RYK: variants seen among roughly 807,000 people sequenced by gnomAD.
RYK encodes the protein inactive tyrosine-protein kinase RYK.
Under a neutral mutation model 70.2 loss-of-function variants are expected in RYK, and 21 were observed. The ratio of observed to expected loss-of-function variants is 0.30; its 90% CI spans 0.21 to 0.43. RYK has a LOEUF of 0.43. RYK is among the 20% of genes least tolerant of loss of function. The probability of loss-of-function intolerance (pLI) is 1.00; values close to 1 mark genes in which losing one functional copy is unlikely to be tolerated. For synonymous variants in RYK, 267 were observed against 278.0 expected, an observed-to-expected ratio of 0.96 and a Z score of 0.39; for missense variants, 604 against 753.3, an observed-to-expected ratio of 0.80 and a Z score of 2.32.
intron 12 of RYK, 33 bp downstream of exon 12, chr3:134,175,897 A>G: frequency 6.4e-7 from 1 of 1,559,638 alleles, no homozygotes. Flanking sequence ...AGCACTCTAC[A>G]TCAAGTGACA....
intron 6 of RYK, among the ~76,000 whole-genome samples, chr3:134,196,628 C>T (rs113960494): frequency 2.7e-5 from 4 of 146,812 alleles, no homozygotes; most frequent in South Asian, 2.2e-4. Context: ...CACACACACA[C>T]GGCTGCTATG....
chr3:134,177,812 G>C, intron 11 of RYK, 129 bp downstream of exon 11: 4 of 735,702 alleles, frequency 5.4e-6, no homozygotes, highest in Middle Eastern at 4.0e-4. Context: ...TAAATATCTT[G>C]TGGTTCATTT....
At chr3:134,188,948 G>T in intron 8 of RYK, 25 bp from the exon 9 acceptor site, 1 of 1,290,468 alleles carries the variant, frequency 7.7e-7, no homozygotes. Context: ...AATAATTAAT[G>T]AGATCATACA....
chr3:134,219,137 G>A (rs1014086518), intron 2 of RYK, among the ~76,000 whole-genome samples: 2 of 152,098 alleles, frequency 1.3e-5, no homozygotes, highest in Non-Finnish European at 2.9e-5. Flanking sequence ...TACAGTTACA[G>A]CTATACCAAG....
intron 6 of RYK, chr3:134,202,525 A>C (rs2014058465): frequency 2.0e-6 from 1 of 496,862 alleles, no homozygotes; most frequent in African/African-American, 2.0e-5. Context: ...CTAAAAAACT[A>C]ATTTCTGACT....
intron 14 of RYK, 68 bp downstream of exon 14, chr3:134,159,169 C>T (rs959683859): frequency 6.6e-7 from 1 of 1,512,966 alleles, no homozygotes; most frequent in African/African-American, 1.4e-5. Flanking sequence ...TGGAAACCTG[C>T]TCTTTTTCCT....
chr3:134,176,870 G>A (rs1427920857), intron 11 of RYK, among the ~76,000 whole-genome samples: 1 of 151,786 alleles, frequency 6.6e-6, no homozygotes, highest in African/African-American at 2.4e-5. Flanking sequence ...CTACCACGGT[G>A]AAACCCCGTC....
intron 13 of RYK, among the ~76,000 whole-genome samples, chr3:134,162,997 AAGTTGGTGGTATTTG>A (rs1374226097): frequency 2.6e-5 from 4 of 152,206 alleles, no homozygotes; most frequent in African/African-American, 9.7e-5. Context: ...TTTGATATTA[AAGTTGGTGGTATTTG>A]AGATCTGGAG....
At position 134,195,202 on chromosome 3, in the gene RYK, G is replaced by C. The variant is rs1389320476; in HGVS notation, c.789-20C>G. The C allele has an allele frequency of 6.4e-7, 1 of 1,560,084 alleles. No homozygotes were observed. Among genetic ancestry groups the C allele is most frequent in the Non-Finnish European group, 8.8e-7 (1 of 1,134,586 alleles). On this transcript the variant is annotated intron_variant, in intron 6 of 14. Transcript: ENST00000623711. ...CTAATGCTGCAAACAATTTTTGAGAGAAATATTTGACAAGTCAGTTTCAAT... is the reference window on the plus strand; with the variant it reads ...CTAATGCTGCAAACAATTTTTGAGACAAATATTTGACAAGTCAGTTTCAAT...
intron 13 of RYK, among the ~76,000 whole-genome samples, chr3:134,167,776 G>T (rs568793150): frequency 1.6e-4 from 25 of 152,258 alleles, no homozygotes; most frequent in Non-Finnish European, 2.8e-4. Context: ...TGACAAATGG[G>T]ATCTAATTAA....
At chr3:134,231,446 C>A (rs146528941) in intron 1 of RYK, among the ~76,000 whole-genome samples, 47 of 152,288 alleles carry the variant, frequency 3.1e-4, no homozygotes, top group Non-Finnish European at 5.0e-4. Context: ...AGGGAATATT[C>A]TTTTTGAACA....
intron 1 of RYK, among the ~76,000 whole-genome samples, chr3:134,225,255 T>C (rs1291174374): frequency 6.6e-6 from 1 of 152,208 alleles, no homozygotes; most frequent in African/African-American, 2.4e-5. Flanking sequence ...GTCTGGGTCT[T>C]AGTCTAGTCT....
At chr3:134,211,455 G>A (rs1277870987) in intron 3 of RYK, 53 bp downstream of exon 3, 2 of 1,267,846 alleles carry the variant, frequency 1.6e-6, no homozygotes, top group African/African-American at 1.5e-5. Flanking sequence ...TGGGGCCATA[G>A]GGGATGCAGT....
chr3:134,221,390 A>C (rs1379965931), intron 2 of RYK, among the ~76,000 whole-genome samples: 1 of 151,588 alleles, frequency 6.6e-6, no homozygotes, highest in Non-Finnish European at 1.5e-5. Flanking sequence ...TTTTTAGTAG[A>C]GATGGGGTTT....
chr3:134,219,243 A>C (rs2014657450), intron 2 of RYK, among the ~76,000 whole-genome samples: 1 of 152,038 alleles, frequency 6.6e-6, no homozygotes, highest in Non-Finnish European at 1.5e-5. Flanking sequence ...TCCCACTCCA[A>C]CTTCCCCCTG....
chr3:134,185,817 A>G (rs912973665), intron 9 of RYK, among the ~76,000 whole-genome samples: 8 of 152,184 alleles, frequency 5.3e-5, no homozygotes, highest in Admixed American at 1.3e-4. Flanking sequence ...AGAATGTGTC[A>G]TTTTATACTT....
intron 13 of RYK, among the ~76,000 whole-genome samples, chr3:134,168,233 A>G (rs2012756507): frequency 6.6e-6 from 1 of 152,240 alleles, no homozygotes; most frequent in South Asian, 2.1e-4. Context: ...AGGATCTAGA[A>G]CTAGAAATAC....
intron 1 of RYK, among the ~76,000 whole-genome samples, chr3:134,247,059 A>G (rs1346063365): frequency 6.6e-6 from 1 of 152,222 alleles, no homozygotes. Context: ...ATAAATAGGT[A>G]ACGAATCAAA....
At chr3:134,191,762 G>T in intron 8 of RYK, 87 bp downstream of exon 8, 1 of 1,036,602 alleles carries the variant, frequency 9.6e-7, no homozygotes, top group Non-Finnish European at 1.4e-6. Context: ...CACAAAATGA[G>T]ATGAAATTTT....
Sources: gnomAD v4.1 joint callset for allele counts (sites outside exome capture counted in the v4.1 genomes callset) on GRCh38, gnomAD v4.1.1 for gene constraint, MANE v1.5 for transcripts, NCBI Gene and HGNC (gene_info 2026-07-23, HGNC 2026-07-21) for gene names.